ZNF106: variants seen among roughly 807,000 people sequenced by gnomAD.
ZNF106 encodes the protein zinc finger protein 106.
ZNF106 carries 67 observed loss-of-function variants against 195.1 expected under a neutral mutation model. That is an observed-to-expected ratio of 0.34 (90% CI 0.28 to 0.42). The LOEUF (loss-of-function observed/expected upper bound fraction) is 0.42. Ranked by LOEUF, ZNF106 falls within the 10% of genes least tolerant of loss-of-function variation. ZNF106 has a pLI of 1.00. For missense variants in ZNF106, 2,118 were observed against 2,304.5 expected, an observed-to-expected ratio of 0.92 and a Z score of 1.66; for synonymous variants, 784 against 818.6, an observed-to-expected ratio of 0.96 and a Z score of 0.72.
chr15:42,436,106 A>G (rs375775332), intron 13 of ZNF106, among the ~76,000 whole-genome samples: 7 of 151,800 alleles, frequency 4.6e-5, no homozygotes, highest in Non-Finnish European at 8.8e-5. Context: ...GGTGCCCGCC[A>G]CCACCCCCGG....
rs907098119 is a variant in ZNF106 at position 42,450,097 on chromosome 15, C to T, written c.2175G>A (p.Glu725=). ...GCTGACTGATGTCACTTTTTTGAAG[C>T]TCTGCATCCAAGCTAGCACTCTCAA... is the stretch of plus-strand genomic sequence containing the variant. The part of the protein sequence containing the change: ...EGFESASLDA[E]LQKSDISQPS... The change falls in exon 5 of 22, where the codon GAG becomes GAA. Residue 725 remains glutamate, a synonymous_variant. Coordinates refer to ENST00000564754, the MANE Select transcript of ZNF106 (RefSeq NM_001366845.3). 6.2e-7 allele frequency: 1 copy of T among 1,614,208 alleles called. No homozygotes were observed. Among genetic ancestry groups the T allele is most frequent in the East Asian group, 2.2e-5 (1 of 44,888 alleles).
rs1003231082 is a variant in ZNF106, at chr15:42,442,979, T to C, written c.3422-565A>G. On this transcript the variant is annotated intron_variant, in intron 9 of 21. Coordinates refer to ENST00000564754, the MANE Select transcript of ZNF106 (RefSeq NM_001366845.3). ...TTGTATTTTTAGTAGAGATGGGGTT[T>C]CACCATGTTGGTCAGGCTGGAATTA... 2.6e-5 allele frequency among the ~76,000 whole-genome samples: 4 copies of C among 152,024 alleles called. No individual in the cohort carries two copies. In the South Asian group the frequency reaches 6.2e-4, roughly 24 times the overall value.
chr15:42,478,694 T>C lies in ZNF106; in HGVS notation c.-32-6373A>G, dbSNP rs552633027. Among the ~76,000 whole-genome samples, 21 of 152,108 alleles carry C rather than the reference T, an allele frequency of 1.4e-4. 1 individual carries two copies. The East Asian group carries it at 4.1e-3, about 30-fold the overall frequency. On this transcript the variant is annotated intron_variant, in intron 1 of 21. Coordinates refer to ENST00000564754, the MANE Select transcript of ZNF106 (RefSeq NM_001366845.3). ...GCCCAGCTAACTTTTGTGTTTTTAG[T>C]AGAGACGGGGTTTCACCATGTTGGC...
chr15:42,444,970 C>A lies in ZNF106; in HGVS notation c.3217G>T (p.Val1073Phe), dbSNP rs749832337. ...KIKGKKERSQ[V>F]DQLLNISLRE... is the part of the protein sequence containing the mutation. ...AAAGAAATATTCAGCAGCTGGTCAA[C>A]CTGAGAACGTTCTGCCAAAAGAAAT... is the stretch of plus-strand genomic sequence containing the variant. Residue 1073 changes from valine to phenylalanine, a missense_variant, in exon 8 of 22, where the codon GTT becomes TTT. Val to Phe is a conservative substitution (Grantham distance 50, BLOSUM62 -1). Transcript: ENST00000564754. 2 of 1,614,086 alleles carry A rather than the reference C, an allele frequency of 1.2e-6. No homozygotes were observed. Among genetic ancestry groups the A allele is most frequent in the East Asian group, 4.5e-5 (2 of 44,880 alleles).
At chr15:42,448,025 C>G (rs373938859) in intron 6 of ZNF106, 47 bp downstream of exon 6, 1 of 1,542,994 alleles carries the variant, frequency 6.5e-7, no homozygotes, top group African/African-American at 1.4e-5. Context: ...AAGCAACCAA[C>G]TTGCCACATG....
intron 21 of ZNF106, 147 bp from the exon 22 acceptor site, chr15:42,417,507 G>A: frequency 3.3e-6 from 3 of 907,908 alleles, no homozygotes; most frequent in Non-Finnish European, 3.3e-6. Context: ...TAACTTACGT[G>A]AAACCATGTA....
At position 42,424,914 on chromosome 15, in the gene ZNF106, T is replaced by C. The variant is rs1377942953; in HGVS notation, c.5110A>G (p.Thr1704Ala). 2.5e-6 allele frequency: 4 copies of C among 1,614,086 alleles called. No individual in the cohort carries two copies. Among genetic ancestry groups the C allele is most frequent in the African/African-American group, 1.3e-5 (1 of 74,920 alleles). The change falls in exon 16 of 22, where the codon ACA (threonine) becomes GCA (alanine). Residue 1704 changes from threonine (T) to alanine (A), a missense_variant. Transcript: ENST00000564754. ...TTCCGGGCATCGCGTACACTAATTGTGCAGTCATAAGACCCCACGACCAGC... is the reference window on the plus strand; with the variant it reads ...TTCCGGGCATCGCGTACACTAATTGCGCAGTCATAAGACCCCACGACCAGC... The part of the protein sequence containing the change: ...KLLVVGSYDC[T>A]ISVRDARNGL...
intron 4 of ZNF106, among the ~76,000 whole-genome samples, chr15:42,452,336 G>A (rs1052971419): frequency 3.3e-5 from 5 of 151,908 alleles, no homozygotes; most frequent in African/African-American, 9.7e-5. Context: ...CAACATGGCC[G>A]ACATGGAGAA....
intron 14 of ZNF106, among the ~76,000 whole-genome samples, chr15:42,431,279 G>A (rs2055038638): frequency 6.6e-6 from 1 of 151,478 alleles, no homozygotes; most frequent in South Asian, 2.1e-4. Flanking sequence ...ATGTGGTCCT[G>A]GTAAATGTTC....
At chr15:42,421,304 G>A (rs1477252103) in intron 19 of ZNF106, among the ~76,000 whole-genome samples, 172 bp from the exon 20 acceptor site, 1 of 152,188 alleles carries the variant, frequency 6.6e-6, no homozygotes, top group Non-Finnish European at 1.5e-5. Flanking sequence ...TCTAGTCTAG[G>A]TATTTTGCAG....
At chr15:42,420,934 C>T in intron 20 of ZNF106, 127 bp downstream of exon 20, 1 of 795,102 alleles carries the variant, frequency 1.3e-6, no homozygotes, top group Admixed American at 2.1e-5. Context: ...CTGTGATCTA[C>T]AGTGTAAGGC....
Position 42,439,570 on chromosome 15 carries a change from C to T in ZNF106, c.4007G>A (p.Arg1336Lys), listed in dbSNP as rs1181445632. The change falls in exon 11 of 22, where the codon AGA becomes AAA. Residue 1336 changes from arginine to lysine, a missense_variant. Coordinates refer to ENST00000564754, the MANE Select transcript of ZNF106 (RefSeq NM_001366845.3). Reference protein sequence around the residue: ...GSEACTSSFLRLSFASETPLE... With the variant: ...GSEACTSSFLKLSFASETPLE... ...AGGGGTTTCTGAAGCAAAAGACAAT[C>T]TTAGAAAAGAACTGGTACAGGCTTC... 1 of 1,614,172 alleles carries T rather than the reference C, an allele frequency of 6.2e-7. No homozygotes were observed. Among genetic ancestry groups the T allele is most frequent in the Admixed American group, 1.7e-5 (1 of 60,012 alleles).
At position 42,415,348 on chromosome 15, in the gene ZNF106, C is replaced by T. The variant is rs369148549; in HGVS notation, c.*1956G>A. 7.5e-4 allele frequency: 325 copies of T among 434,662 alleles called. 5 individuals carry two copies. The highest frequency in any genetic ancestry group is 5.2e-3 in the South Asian group (318 of 60,916). The allele number at this position is 434,662 out of a possible 1,614,324, so 26.9% of individuals were successfully genotyped here. Reference sequence around the variant, plus strand: ...TGTTGGCCAGGCTGGTCTCAAATGCCTGACCTTGAGTGATCCACCCGCCTC... The same window carrying T: ...TGTTGGCCAGGCTGGTCTCAAATGCTTGACCTTGAGTGATCCACCCGCCTC... On this transcript the variant is annotated 3_prime_UTR_variant, in exon 22 of 22. Transcript: ENST00000564754.
chr15:42,469,889 G>GAAT (rs2056625707), intron 2 of ZNF106, among the ~76,000 whole-genome samples: 1 of 150,326 alleles, frequency 6.7e-6, no homozygotes, highest in Non-Finnish European at 1.5e-5. Context: ...AAGAAAGAAA[G>GAAT]AAAAGAAAAA....
rs2055973099 is a variant in ZNF106 at position 42,450,601 on chromosome 15, A to T, written c.1671T>A (p.Thr557=). 1 of 1,614,176 alleles carries T rather than the reference A, an allele frequency of 6.2e-7. No homozygotes were observed. Among genetic ancestry groups the T allele is most frequent in the Non-Finnish European group, 8.5e-7 (1 of 1,180,040 alleles). ...GTAGCACCTCTTTGGCCTTTCGTAA[A>T]GTATCATTTAAATTATCACCAGATT... ...QKQSGDNLND[T]LRKAKEVLQC... The change falls in exon 5 of 22, where the codon ACT becomes ACA. Residue 557 remains threonine (T), a synonymous_variant. Transcript: ENST00000564754.
intron 1 of ZNF106, among the ~76,000 whole-genome samples, chr15:42,476,899 A>C (rs548923590): frequency 1.3e-5 from 2 of 152,308 alleles, no homozygotes; most frequent in South Asian, 4.1e-4. Flanking sequence ...TTAAGGATAC[A>C]GTATACAACA....
At chr15:42,423,060 A>AT (rs1368767298) in intron 17 of ZNF106, among the ~76,000 whole-genome samples, 1 of 151,938 alleles carries the variant, frequency 6.6e-6, no homozygotes, top group Non-Finnish European at 1.5e-5. Context: ...TCTGTTGTTC[A>AT]TTTTTTTAAG....
chr15:42,451,025 T>C lies in ZNF106; in HGVS notation c.1247A>G (p.Gln416Arg). 2 of 1,614,222 alleles carry C rather than the reference T, an allele frequency of 1.2e-6. No individual in the cohort carries two copies. The highest frequency in any genetic ancestry group is 2.2e-5 in the South Asian group (2 of 91,080). ...TGGGGAATTACGTGTTTCATCAGTTTGGGGCTCCTGTATTCCTGTAGTTAT... is the reference window on the plus strand; with the variant it reads ...TGGGGAATTACGTGTTTCATCAGTTCGGGGCTCCTGTATTCCTGTAGTTAT... ...SLITTGIQEPQTDETRNSPTQ... is the reference protein window; with the variant it reads ...SLITTGIQEPRTDETRNSPTQ... The change falls in exon 5 of 22, where the codon CAA (glutamine) becomes CGA (arginine). Residue 416 changes from glutamine to arginine, a missense_variant. By Grantham distance (43) the Gln-to-Arg change is conservative. Transcript: ENST00000564754.
At chr15:42,462,499 C>G (rs202126505) in intron 3 of ZNF106, among the ~76,000 whole-genome samples, 2 of 151,954 alleles carry the variant, frequency 1.3e-5, no homozygotes, top group Admixed American at 1.3e-4. Flanking sequence ...TTGGGAGGCT[C>G]AGGCAGGAGA....
Sources: gnomAD v4.1 joint callset for allele counts (sites outside exome capture counted in the v4.1 genomes callset) on GRCh38, gnomAD v4.1.1 for gene constraint, MANE v1.5 for transcripts, NCBI Gene and HGNC (gene_info 2026-07-23, HGNC 2026-07-21) for gene names.